The following CNTN4 variants were observed in gnomAD, a reference collection of about 807,000 sequenced individuals.
CNTN4 encodes contactin-4.
CNTN4 carries 77 observed loss-of-function variants against 122.5 expected under a neutral mutation model. The observed-to-expected ratio is 0.63, with a 90% confidence interval of 0.52 to 0.76. The LOEUF is 0.76. CNTN4 is among the 30% of genes least tolerant of loss of function. The pLI is 0.00. For synonymous variants in CNTN4, 512 were observed against 447.0 expected (o/e 1.15, Z -1.83); for missense variants, 1,256 against 1,259.1 (o/e 1.00, Z 0.04).
rs1221007721 is a variant in CNTN4, at chr3:2,709,471, C to T, written c.56-26744C>T. Among the ~76,000 whole-genome samples, 1 of 152,150 alleles carries T rather than the reference C, an allele frequency of 6.6e-6. No individual in the cohort carries two copies. The highest frequency in any genetic ancestry group is 6.5e-5 in the Admixed American group (1 of 15,274). ...CGTGTGCAATGGGGGATGGGAACTA[C>T]TGAAACCTAATCCCCGCAATTACAG... On this transcript the variant is annotated intron_variant, in intron 4 of 24. Transcript: ENST00000418658. The surrounding 1 kb of genome is among the most constrained non-coding windows in gnomAD (Gnocchi z 5.0).
intron 2 of CNTN4, among the ~76,000 whole-genome samples, chr3:2,194,653 T>A (rs2037750815): frequency 6.6e-6 from 1 of 152,144 alleles, no homozygotes; most frequent in South Asian, 2.1e-4. Context: ...TGGAGTAGGG[T>A]GGGCCCCCAA....
intron 2 of CNTN4, among the ~76,000 whole-genome samples, chr3:2,272,884 A>G (rs1008756586): frequency 2.0e-5 from 3 of 151,896 alleles, no homozygotes. Context: ...CTGCTTTTGT[A>G]ATATCGCATG....
chr3:2,553,238 A>C (rs1279221871), intron 3 of CNTN4, among the ~76,000 whole-genome samples: 1 of 152,170 alleles, frequency 6.6e-6, no homozygotes, highest in Non-Finnish European at 1.5e-5. Context: ...GAGACACAAG[A>C]ACTGAAACCT....
intron 3 of CNTN4, among the ~76,000 whole-genome samples, chr3:2,424,381 C>T (rs754085555): frequency 1.3e-5 from 2 of 152,034 alleles, no homozygotes; most frequent in Non-Finnish European, 2.9e-5. Context: ...CATGTTCCTA[C>T]AAAGGACATG....
Position 2,749,058 on chromosome 3 carries a change from GT to G in CNTN4, c.358+3362del, listed in dbSNP as rs1212875718. On this transcript the variant is annotated intron_variant, in intron 6 of 24. Transcript: ENST00000418658. ...TGAGAGAAAGTTTCCGTGTCACCCT[GT>G]CTAACATAACAAGCAATTTCCATCA... Among the ~76,000 whole-genome samples the G allele has an allele frequency of 2.6e-5, 4 of 152,144 alleles. No individual in the cohort carries two copies. In the South Asian group the frequency reaches 8.3e-4, roughly 32 times the overall value.
chr3:2,136,772 A>G (rs2034712796), intron 2 of CNTN4, among the ~76,000 whole-genome samples: 1 of 152,102 alleles, frequency 6.6e-6, no homozygotes, highest in Non-Finnish European at 1.5e-5. Context: ...GTAATTACAG[A>G]TACCACTCAA....
rs375019715 is a variant in CNTN4 at position 2,201,088 on chromosome 3, G to T, written c.-145+100449G>T. Among the ~76,000 whole-genome samples, 7 of 152,252 alleles carry T rather than the reference G, an allele frequency of 4.6e-5. No homozygotes were observed. In the East Asian group the frequency reaches 9.7e-4, roughly 21 times the overall value. ...TAAAGAAGCTGAAGGGAGAGCAAAGGCACGAATAGAGTAGCCTATTCTCCA... is the reference window on the plus strand; with the variant it reads ...TAAAGAAGCTGAAGGGAGAGCAAAGTCACGAATAGAGTAGCCTATTCTCCA... On this transcript the variant is annotated intron_variant, in intron 2 of 24. Coordinates refer to ENST00000418658, the MANE Select transcript of CNTN4 (RefSeq NM_175607.3).
At chr3:2,724,881 G>A (rs1326282679) in intron 4 of CNTN4, among the ~76,000 whole-genome samples, 7 of 151,944 alleles carry the variant, frequency 4.6e-5, no homozygotes, top group Non-Finnish European at 8.8e-5. Context: ...TTGTTTAGAT[G>A]AGAAGGAGGA....
At chr3:2,128,455 A>G (rs2034289117) in intron 2 of CNTN4, among the ~76,000 whole-genome samples, 1 of 152,182 alleles carries the variant, frequency 6.6e-6, no homozygotes, top group East Asian at 1.9e-4. Context: ...AAGGTAAGTA[A>G]CTTGTCAAGG....
At chr3:2,325,591 G>A (rs1176825946) in intron 2 of CNTN4, among the ~76,000 whole-genome samples, 1 of 152,086 alleles carries the variant, frequency 6.6e-6, no homozygotes, top group Non-Finnish European at 1.5e-5. Flanking sequence ...TTCAGCTCAA[G>A]CCCTCCAGTG....
intron 4 of CNTN4, among the ~76,000 whole-genome samples, chr3:2,594,217 T>A (rs1016815331): frequency 1.4e-5 from 1 of 73,644 alleles, no homozygotes; most frequent in African/African-American, 4.7e-5. Context: ...TGAACACAAT[T>A]TTGGAGAAAC....
intron 4 of CNTN4, among the ~76,000 whole-genome samples, chr3:2,573,186 A>C (rs1034986897): frequency 2.0e-5 from 3 of 152,160 alleles, no homozygotes; most frequent in Non-Finnish European, 4.4e-5. Context: ...TATGGTTGCA[A>C]ATTTAGTTCT....
intron 12 of CNTN4, among the ~76,000 whole-genome samples, chr3:2,916,355 C>T (rs1299216481): frequency 1.3e-5 from 2 of 149,408 alleles, no homozygotes; most frequent in East Asian, 2.0e-4. Context: ...TGCGGCCTTC[C>T]GCAGTGTTTG....
chr3:2,578,122 G>A (rs2079776523), intron 4 of CNTN4, among the ~76,000 whole-genome samples: 1 of 152,176 alleles, frequency 6.6e-6, no homozygotes, highest in East Asian at 1.9e-4. Flanking sequence ...ATCACAGGAT[G>A]TAGCTTGAAT....
chr3:2,126,210 A>G (rs1043832166), intron 2 of CNTN4, among the ~76,000 whole-genome samples: 2 of 152,106 alleles, frequency 1.3e-5, no homozygotes, highest in Admixed American at 1.3e-4. Flanking sequence ...AGAAGCTCTT[A>G]TGTGATAGGA....
intron 23 of CNTN4, among the ~76,000 whole-genome samples, chr3:3,045,778 G>C (rs163565): frequency 0.14 from 20,836 of 152,250 alleles, 1,910 homozygotes; most frequent in African/African-American, 0.26. Context: ...GCTGGATGGA[G>C]AATGACTTTG....
In CNTN4 at chr3:2,718,536, C is replaced by A. The variant is rs754297175; in HGVS notation, c.56-17679C>A. On this transcript the variant is annotated intron_variant, in intron 4 of 24. Coordinates refer to ENST00000418658, the MANE Select transcript of CNTN4 (RefSeq NM_175607.3). ...TCATTTGAGATAGTCATTACCCAGA[C>A]AAGGTTGGTTATATTTCACTTAATG... is the stretch of plus-strand genomic sequence containing the variant. Among the ~76,000 whole-genome samples, 151 of 152,166 alleles carry A rather than the reference C, an allele frequency of 9.9e-4. 2 individuals carry two copies. Among genetic ancestry groups the A allele is most frequent in the Non-Finnish European group, 1.2e-3 (79 of 68,020 alleles).
At chr3:2,674,883 C>G (rs908146192) in intron 4 of CNTN4, among the ~76,000 whole-genome samples, 1 of 152,198 alleles carries the variant, frequency 6.6e-6, no homozygotes, top group African/African-American at 2.4e-5. Context: ...CTATCCCCAC[C>G]TGCCCCTATA....
At position 2,650,713 on chromosome 3, in the gene CNTN4, G is replaced by C. The variant is rs191889172; in HGVS notation, c.55+79155G>C. 1.2e-3 allele frequency among the ~76,000 whole-genome samples: 185 copies of C among 152,256 alleles called. 2 individuals carry two copies. The highest frequency in any genetic ancestry group is 4.3e-3 in the African/African-American group (178 of 41,552). Reference sequence around the variant, plus strand: ...TCAAAAAGATAACAACTTGCTGAAGGCTCAGATAATCATTAGCATTTTTAA... The same window carrying C: ...TCAAAAAGATAACAACTTGCTGAAGCCTCAGATAATCATTAGCATTTTTAA... On this transcript the variant is annotated intron_variant, in intron 4 of 24. Coordinates refer to ENST00000418658, the MANE Select transcript of CNTN4 (RefSeq NM_175607.3).
Sources: gnomAD v4.1 joint callset for allele counts (sites outside exome capture counted in the v4.1 genomes callset) on GRCh38, gnomAD v4.1.1 for gene constraint, Gnocchi (gnomAD v3.1) non-coding constraint, MANE v1.5 for transcripts, NCBI Gene and HGNC (gene_info 2026-07-23, HGNC 2026-07-21) for gene names.